Variants in CDC37L1 observed in about 807,000 individuals in gnomAD.
CDC37L1 encodes hsp90 co-chaperone Cdc37-like 1.
Under a neutral mutation model 45.9 loss-of-function variants are expected in CDC37L1, and 32 were observed. The ratio of observed to expected loss-of-function variants is 0.70; its 90% confidence interval spans 0.53 to 0.94. The LOEUF (loss-of-function observed/expected upper bound fraction) is 0.94, where lower values mean the gene tolerates loss of function less well. CDC37L1 is among the 40% of genes least tolerant of loss of function. The pLI is 0.00. For synonymous variants in CDC37L1, 150 were observed against 133.0 expected (o/e 1.13, Z -0.88); for missense variants, 434 against 405.7 (o/e 1.07, Z -0.60).
chr9:4,688,892 A>G (rs910654159), intron 3 of CDC37L1, among the ~76,000 whole-genome samples: 1 of 151,936 alleles, frequency 6.6e-6, no homozygotes, highest in Non-Finnish European at 1.5e-5. Context: ...TCCATTTCCT[A>G]AGTAGTCTTT....
chr9:4,694,739 C>T (rs1415820989), intron 3 of CDC37L1, among the ~76,000 whole-genome samples: 1 of 152,000 alleles, frequency 6.6e-6, no homozygotes, highest in African/African-American at 2.4e-5. Context: ...GGCGTGGTGA[C>T]ACACGCCTGT....
chr9:4,682,620 C>T (rs969026737), intron 1 of CDC37L1, among the ~76,000 whole-genome samples: 30 of 151,954 alleles, frequency 2.0e-4, no homozygotes, highest in African/African-American at 6.0e-4. Flanking sequence ...CCACCACTCC[C>T]GGCCATGCCC....
rs1283333579 is a variant in CDC37L1, at chr9:4,706,368, T to C, written c.*256T>C. The C allele has an allele frequency of 7.4e-6, 2 of 268,636 alleles. No individual in the cohort carries two copies. The highest frequency in any genetic ancestry group is 1.4e-5 in the Non-Finnish European group (2 of 139,008). The allele number at this position is 268,636 out of a possible 1,614,324, so 16.6% of individuals were successfully genotyped here. A position where few individuals can be genotyped will look rare whatever the true frequency, so the allele number is the denominator to read the frequency against. ...CTTTTTGTGGCTACTAAATTTGCTT[T>C]TAATCTTATTGTTCTCAATTTTGGA... On this transcript the variant is annotated 3_prime_UTR_variant, in exon 7 of 7. Coordinates refer to ENST00000381854, the MANE Select transcript of CDC37L1 (RefSeq NM_017913.4).
intron 2 of CDC37L1, among the ~76,000 whole-genome samples, chr9:4,686,668 C>G (rs955800786): frequency 6.6e-6 from 1 of 152,194 alleles, no homozygotes; most frequent in African/African-American, 2.4e-5. Context: ...CTACATTTAT[C>G]TCACAAATTA....
intron 6 of CDC37L1, 138 bp from the exon 7 acceptor site, chr9:4,705,873 G>T: frequency 2.4e-6 from 1 of 415,360 alleles, no homozygotes. Flanking sequence ...TGTCTCCAAA[G>T]TCCATCTTCT....
chr9:4,679,576 C>A lies in CDC37L1; in HGVS notation c.-192C>A, dbSNP rs898508898. On this transcript the variant is annotated 5_prime_UTR_variant, in exon 1 of 7. Coordinates refer to ENST00000381854, the MANE Select transcript of CDC37L1 (RefSeq NM_017913.4). ...GCACCGCGCCGACTATTTCTTCCGC[C>A]GTCCGCCGGTGGCGAGGCCCAGGCT... The A allele has an allele frequency of 1.2e-5, 6 of 517,840 alleles. No homozygotes were observed. The highest frequency in any genetic ancestry group is 7.5e-5 in the Admixed American group (2 of 26,826). The allele number at this position is 517,840 out of a possible 1,614,324, so 32.1% of individuals were successfully genotyped here.
chr9:4,687,538 G>C (rs372822268), intron 2 of CDC37L1, among the ~76,000 whole-genome samples: 1 of 151,918 alleles, frequency 6.6e-6, no homozygotes, highest in Non-Finnish European at 1.5e-5. Flanking sequence ...AATTAGCTGG[G>C]TATGGTGGCT....
Position 4,697,773 on chromosome 9 carries a change from A to T in CDC37L1, c.641A>T (p.Glu214Val). ...LEAEKKGALM[E>V]QIAHQAVVMQ... ...CTTTTTCAGAAAGGGGCTTTAATGG[A>T]ACAAATAGCACATCAAGCTGTTGTA... Residue 214 changes from glutamate to valine, a missense_variant, in exon 5 of 7, where the codon GAA becomes GTA. Glu to Val is a moderately radical substitution (Grantham distance 121). Coordinates refer to ENST00000381854, the MANE Select transcript of CDC37L1 (RefSeq NM_017913.4). 6.6e-7 allele frequency: 1 copy of T among 1,520,890 alleles called. No homozygotes were observed. Among genetic ancestry groups the T allele is most frequent in the Non-Finnish European group, 9.1e-7 (1 of 1,097,742 alleles). 94.2% of individuals were successfully genotyped at this position (1,520,890 alleles called of 1,614,324 possible).
At chr9:4,681,475 T>A (rs2130840683) in intron 1 of CDC37L1, among the ~76,000 whole-genome samples, 1 of 152,178 alleles carries the variant, frequency 6.6e-6, no homozygotes, top group Admixed American at 6.5e-5. Context: ...AGAAACCCTG[T>A]CTCTACCAAA....
At position 4,700,000 on chromosome 9, in the gene CDC37L1, TA is replaced by T. The variant is rs947992049; in HGVS notation, c.748-1855del. On this transcript the variant is annotated intron_variant, in intron 5 of 6. Coordinates refer to ENST00000381854, the MANE Select transcript of CDC37L1 (RefSeq NM_017913.4). ...TAAACATAAAATTATATTTTTATAT[TA>T]AAAAAAAACTCTCAATGTGGCAGTA... Among the ~76,000 whole-genome samples the T allele has an allele frequency of 1.9e-3, 287 of 151,486 alleles. 2 individuals carry two copies. The highest frequency in any genetic ancestry group is 0.01 in the Middle Eastern group (3 of 292).
chr9:4,703,275 A>G, intron 6 of CDC37L1: 3 of 443,580 alleles, frequency 6.8e-6, no homozygotes, highest in Non-Finnish European at 1.1e-5. Context: ...AATTACATGT[A>G]TGTCCTTTAA....
chr9:4,701,774 C>G (rs1037636330), intron 5 of CDC37L1, 90 bp from the exon 6 acceptor site: 1 of 850,058 alleles, frequency 1.2e-6, no homozygotes, highest in Admixed American at 2.9e-5. Flanking sequence ...TTACTTCCTC[C>G]ACTTCAAACC....
intron 3 of CDC37L1, among the ~76,000 whole-genome samples, chr9:4,692,343 C>T (rs1368924720): frequency 1.3e-5 from 2 of 151,196 alleles, no homozygotes; most frequent in East Asian, 1.9e-4. Flanking sequence ...GATCTCAGCT[C>T]ACTGCAACCT....
At chr9:4,698,914 C>T (rs1328085394) in intron 5 of CDC37L1, among the ~76,000 whole-genome samples, 1 of 149,276 alleles carries the variant, frequency 6.7e-6, no homozygotes, top group Non-Finnish European at 1.5e-5. Context: ...CAGCTCTCTT[C>T]TCACTAAATT....
chr9:4,684,661 T>A (rs1287106296), intron 1 of CDC37L1, among the ~76,000 whole-genome samples: 1 of 152,240 alleles, frequency 6.6e-6, no homozygotes, highest in African/African-American at 2.4e-5. Context: ...TTGTTGCTGT[T>A]AGTTGTCAGG....
Position 4,706,108 on chromosome 9 carries a change from T to C in CDC37L1, c.1010T>C (p.Val337Ala). ...EDDEPKMMDTV is the reference protein window; with the variant it reads ...EDDEPKMMDTA The stretch of plus-strand genomic sequence containing the variant: ...GATGAACCCAAAATGATGGACACTG[T>C]ATAATTTGGTTAAGACTGCTGAGGC... The change falls in exon 7 of 7, where the codon GTA becomes GCA. Residue 337 changes from valine to alanine, a missense_variant. Transcript: ENST00000381854. The C allele has an allele frequency of 6.5e-7, 1 of 1,549,824 alleles. No individual in the cohort carries two copies. Among genetic ancestry groups the C allele is most frequent in the East Asian group, 2.2e-5 (1 of 44,520 alleles).
intron 6 of CDC37L1, among the ~76,000 whole-genome samples, chr9:4,702,589 A>G (rs932334754): frequency 1.3e-5 from 2 of 152,178 alleles, no homozygotes; most frequent in Admixed American, 6.5e-5. Context: ...TGATCAAGAT[A>G]AAACCATGTC....
At chr9:4,683,034 T>C (rs1391061402) in intron 1 of CDC37L1, among the ~76,000 whole-genome samples, 1 of 143,238 alleles carries the variant, frequency 7.0e-6, no homozygotes, top group Non-Finnish European at 1.5e-5. Context: ...ATTATATTTA[T>C]ATATAAAATA....
chr9:4,703,052 A>T (rs1280458972), intron 6 of CDC37L1: 1 of 1,532,430 alleles, frequency 6.5e-7, no homozygotes, highest in South Asian at 1.2e-5. Flanking sequence ...TACTAGTAGC[A>T]CTTTAATAGA....
Sources: gnomAD v4.1 joint callset for allele counts (sites outside exome capture counted in the v4.1 genomes callset) on GRCh38, gnomAD v4.1.1 for gene constraint, MANE v1.5 for transcripts, NCBI Gene and HGNC (gene_info 2026-07-23, HGNC 2026-07-21) for gene names.